The following SBF2 variants were observed in gnomAD, a reference collection of about 807,000 sequenced individuals.
SBF2 encodes the protein myotubularin-related protein 13.
A neutral mutation model predicts 225.2 loss-of-function variants in SBF2; 112 were observed. That is an observed-to-expected ratio of 0.50 (90% CI 0.43 to 0.58). The LOEUF (loss-of-function observed/expected upper bound fraction) is 0.58. SBF2 is among the 20% of genes least tolerant of loss of function. The probability of loss-of-function intolerance (pLI) is 0.00; values close to 1 mark genes in which losing one functional copy is unlikely to be tolerated. For synonymous variants in SBF2, 763 were observed against 773.3 expected, an observed-to-expected ratio of 0.99 and a Z score of 0.22; for missense variants, 1,996 against 2,206.2, an observed-to-expected ratio of 0.90 and a Z score of 1.91.
Position 10,130,017 on chromosome 11 carries a change from T to C in SBF2, c.141+63885A>G, listed in dbSNP as rs138658019. Among the ~76,000 whole-genome samples the C allele has an allele frequency of 5.9e-4, 88 of 149,680 alleles. 1 individual carries two copies. The highest frequency in any genetic ancestry group is 2.1e-3 in the African/African-American group (84 of 40,634). On this transcript the variant is annotated intron_variant, in intron 2 of 39. Coordinates refer to ENST00000256190, the MANE Select transcript of SBF2 (RefSeq NM_030962.4). ...AGAAGGAGACCCCAATCTCAAAATA[T>C]TAAAAAAGAAAAAACCAAAAAGGGA...
chr11:10,173,573 G>C (rs912593525), intron 2 of SBF2, among the ~76,000 whole-genome samples: 200 of 152,302 alleles, frequency 1.3e-3, no homozygotes, highest in Non-Finnish European at 2.3e-3. Context: ...AGGCGGCAGC[G>C]AGGCTGGGGG....
In SBF2 at chr11:9,968,651, T is replaced by C. The variant is rs1867124690; in HGVS notation, c.1396-106A>G. ...GGGACACGAGCTGGGTAGTTATACA[T>C]ACATTCATATATACGCCATAAAACA... On this transcript the variant is annotated intron_variant, in intron 13 of 39. Coordinates refer to ENST00000256190, the MANE Select transcript of SBF2 (RefSeq NM_030962.4). 5 of 865,370 alleles carry C rather than the reference T, an allele frequency of 5.8e-6. No individual in the cohort carries two copies. The South Asian group carries it at 6.6e-5, about 12-fold the overall frequency. 53.6% of individuals were successfully genotyped at this position (865,370 alleles called of 1,614,324 possible).
intron 2 of SBF2, among the ~76,000 whole-genome samples, chr11:10,168,070 T>C (rs1392788187): frequency 6.6e-6 from 1 of 152,198 alleles, no homozygotes; most frequent in African/African-American, 2.4e-5. Flanking sequence ...ATCACTGTTT[T>C]ACTGTTTTTT....
At chr11:9,980,732 C>A (rs552694522) in intron 13 of SBF2, among the ~76,000 whole-genome samples, 69 of 152,166 alleles carry the variant, frequency 4.5e-4, no homozygotes, top group African/African-American at 1.6e-3. Flanking sequence ...GCGCCTGACA[C>A]CGCGCCCGGC....
chr11:9,932,299 C>G (rs964531906), intron 16 of SBF2, among the ~76,000 whole-genome samples: 2 of 152,026 alleles, frequency 1.3e-5, no homozygotes, highest in Admixed American at 6.6e-5. Context: ...AGATACTCCT[C>G]GAGAAGAGCA....
At chr11:9,862,013 AG>A (rs1348835022) in intron 17 of SBF2, among the ~76,000 whole-genome samples, 2 of 152,204 alleles carry the variant, frequency 1.3e-5, no homozygotes, top group Non-Finnish European at 2.9e-5. Context: ...AGCAGGGTGA[AG>A]TGACTATAGT....
chr11:9,914,908 G>T (rs550251690), intron 16 of SBF2, among the ~76,000 whole-genome samples: 9 of 114,288 alleles, frequency 7.9e-5, no homozygotes, highest in African/African-American at 2.9e-4. Context: ...TGTTTATAGT[G>T]GGGGGGGCTA....
At chr11:10,107,066 G>A (rs190226292) in intron 2 of SBF2, among the ~76,000 whole-genome samples, 153 of 152,256 alleles carry the variant, frequency 1.0e-3, no homozygotes, top group African/African-American at 3.5e-3. Flanking sequence ...TGAAGAAATG[G>A]TGTACAATAT....
At chr11:10,142,443 A>T (rs1431008956) in intron 2 of SBF2, among the ~76,000 whole-genome samples, 2 of 152,330 alleles carry the variant, frequency 1.3e-5, no homozygotes, top group East Asian at 3.9e-4. Flanking sequence ...TTGTAAGAAT[A>T]ACCTTGCTTT....
intron 1 of SBF2, among the ~76,000 whole-genome samples, chr11:10,194,795 G>C (rs1262008335): frequency 6.6e-6 from 1 of 152,152 alleles, no homozygotes; most frequent in Non-Finnish European, 1.5e-5. Flanking sequence ...ACAGGTGTGA[G>C]CCACTGCACC....
At chr11:10,107,715 T>C (rs1459473773) in intron 2 of SBF2, among the ~76,000 whole-genome samples, 1 of 152,178 alleles carries the variant, frequency 6.6e-6, no homozygotes, top group Non-Finnish European at 1.5e-5. Context: ...TCACATCACC[T>C]CCTCTTTATG....
chr11:9,893,519 T>C (rs1861002277), intron 17 of SBF2, among the ~76,000 whole-genome samples: 1 of 152,240 alleles, frequency 6.6e-6, no homozygotes. Flanking sequence ...CTGGTGTACT[T>C]TCTCCTTCTT....
intron 2 of SBF2, among the ~76,000 whole-genome samples, chr11:10,135,541 C>G (rs547903613): frequency 3.3e-5 from 5 of 152,308 alleles, no homozygotes; most frequent in African/African-American, 1.2e-4. Flanking sequence ...CAAGTCACAT[C>G]TTGAATGCTT....
chr11:9,905,950 C>T (rs760103789), intron 16 of SBF2, among the ~76,000 whole-genome samples: 26 of 149,708 alleles, frequency 1.7e-4, no homozygotes, highest in Non-Finnish European at 3.3e-4. Flanking sequence ...TTTTAAAATA[C>T]AGTCAGGCCA....
At chr11:9,904,007 G>A (rs960961305) in intron 16 of SBF2, among the ~76,000 whole-genome samples, 11 of 152,030 alleles carry the variant, frequency 7.2e-5, no homozygotes, top group African/African-American at 2.7e-4. Context: ...CACTTTTAGA[G>A]AGGCAAAGTG....
chr11:10,243,470 T>C (rs1160539289), intron 1 of SBF2, among the ~76,000 whole-genome samples: 1 of 149,890 alleles, frequency 6.7e-6, no homozygotes, highest in African/African-American at 2.5e-5. Flanking sequence ...ATAATAAAAA[T>C]TAGAGTCAAA....
chr11:9,805,150 G>A (rs1308954497), intron 32 of SBF2, among the ~76,000 whole-genome samples: 1 of 151,952 alleles, frequency 6.6e-6, no homozygotes, highest in Non-Finnish European at 1.5e-5. Flanking sequence ...GGAGGCCAAG[G>A]TGGGAAGACT....
intron 9 of SBF2, among the ~76,000 whole-genome samples, chr11:9,995,550 T>C (rs549776409): frequency 6.6e-6 from 1 of 152,232 alleles, no homozygotes; most frequent in Non-Finnish European, 1.5e-5. Context: ...AAACAAAGCT[T>C]ATATACTTGT....
At chr11:10,147,536 AG>A (rs769538724) in intron 2 of SBF2, among the ~76,000 whole-genome samples, 5 of 152,104 alleles carry the variant, frequency 3.3e-5, no homozygotes, top group African/African-American at 4.8e-5. Flanking sequence ...GGGCAAAAAG[AG>A]GGCAACTACA....
Sources: gnomAD v4.1 joint callset for allele counts (sites outside exome capture counted in the v4.1 genomes callset) on GRCh38, gnomAD v4.1.1 for gene constraint, MANE v1.5 for transcripts, NCBI Gene and HGNC (gene_info 2026-07-23, HGNC 2026-07-21) for gene names.